The following IPP variants were observed in gnomAD, a reference collection of about 807,000 sequenced individuals.
IPP encodes the protein actin-binding protein IPP.
A neutral mutation model predicts 64.1 loss-of-function variants in IPP; 41 were observed. The ratio of observed to expected loss-of-function variants is 0.64; its 90% CI spans 0.50 to 0.83. The LOEUF (loss-of-function observed/expected upper bound fraction) is 0.83, where lower values mean the gene tolerates loss of function less well. Among genes scored for constraint, IPP ranks in the 40% least tolerant of loss-of-function variants. IPP has a pLI of 0.00. For synonymous variants in IPP, 214 were observed against 235.2 expected (o/e 0.91, Z 0.83); for missense variants, 649 against 703.0 (o/e 0.92, Z 0.87).
chr1:45,710,269 A>T (rs1645572682), intron 8 of IPP, among the ~76,000 whole-genome samples: 1 of 116,634 alleles, frequency 8.6e-6, no homozygotes, highest in Non-Finnish European at 1.8e-5. Flanking sequence ...CTAAGAAAAC[A>T]TGATGTGAGA....
chr1:45,724,762 G>A (rs1318107968), intron 5 of IPP, among the ~76,000 whole-genome samples: 1 of 151,548 alleles, frequency 6.6e-6, no homozygotes, highest in Non-Finnish European at 1.5e-5. Flanking sequence ...CGTCTAAGAA[G>A]TGAGGAGCCC....
At position 45,729,795 on chromosome 1, in the gene IPP, G is replaced by C. The variant is rs763600507; in HGVS notation, c.725-26C>G. 3.6e-6 allele frequency: 5 copies of C among 1,370,788 alleles called. No homozygotes were observed. The East Asian group carries it at 1.2e-4, about 34-fold the overall frequency. The allele number at this position is 1,370,788 out of a possible 1,614,324, so 84.9% of individuals were successfully genotyped here. A position where few individuals can be genotyped will look rare whatever the true frequency, so the allele number is the denominator to read the frequency against. ...CTAAAACAATATTTAAAAAGACAAT[G>C]TTTTAAACAATTTTTAAATAATATT... is the stretch of plus-strand genomic sequence containing the variant. On this transcript the variant is annotated intron_variant, in intron 3 of 8. Coordinates refer to ENST00000396478, the MANE Select transcript of IPP (RefSeq NM_005897.3).
In IPP at chr1:45,698,711, T is replaced by TTTTTTA; in HGVS notation, c.*1254_*1255insTAAAAA. ...CAATCTAGCAAAAAAGGAAGAATTT[T>TTTTTTA]TTTTTCTTTTTTTTTTTTTTTTTTT... is the stretch of plus-strand genomic sequence containing the variant. On this transcript the variant is annotated 3_prime_UTR_variant, in exon 9 of 9. Transcript: ENST00000396478. 1.3e-6 allele frequency: 1 copy of TTTTTTA among 748,884 alleles called. No individual in the cohort carries two copies. 46.4% of individuals were successfully genotyped at this position (748,884 alleles called of 1,614,324 possible). A position where few individuals can be genotyped will look rare whatever the true frequency, so the allele number is the denominator to read the frequency against.
At chr1:45,710,620 TA>T (rs752831333) in intron 8 of IPP, among the ~76,000 whole-genome samples, 31 of 6,292 alleles carry the variant, frequency 4.9e-3, no homozygotes, top group East Asian at 0.017. Flanking sequence ...AGACTCTGTC[TA>T]AAAAAAAAAA....
At chr1:45,738,603 G>T (rs1040543446) in intron 3 of IPP, among the ~76,000 whole-genome samples, 1 of 151,992 alleles carries the variant, frequency 6.6e-6, no homozygotes, top group Non-Finnish European at 1.5e-5. Context: ...CACTTTGGGA[G>T]GCCGAAGCGG....
chr1:45,710,421 G>A (rs1398426444), intron 8 of IPP, among the ~76,000 whole-genome samples: 1 of 94,256 alleles, frequency 1.1e-5, no homozygotes, highest in Admixed American at 1.1e-4. Flanking sequence ...GGCAGATCAC[G>A]AGGTCAGGAG....
At chr1:45,726,095 A>T (rs1557751050) in intron 5 of IPP, among the ~76,000 whole-genome samples, 1 of 150,042 alleles carries the variant, frequency 6.7e-6, no homozygotes, top group Non-Finnish European at 1.5e-5. Context: ...TAAAAAAAAT[A>T]AATAAATAAA....
Position 45,727,107 on chromosome 1 carries a change from T to C in IPP, c.1048+524A>G, listed in dbSNP as rs149932123. 1.4e-3 allele frequency among the ~76,000 whole-genome samples: 212 copies of C among 152,252 alleles called. 1 individual carries two copies. Among genetic ancestry groups the C allele is most frequent in the Non-Finnish European group, 2.0e-3 (137 of 68,018 alleles). On this transcript the variant is annotated intron_variant, in intron 5 of 8. Transcript: ENST00000396478. ...CTCTGTCACCCAGGCTGGAGTACAG[T>C]GGCACGATCATGGCTCACTGCAACC...
chr1:45,724,508 G>T (rs1347807640), intron 5 of IPP, among the ~76,000 whole-genome samples: 2 of 150,590 alleles, frequency 1.3e-5, no homozygotes, highest in Non-Finnish European at 3.0e-5. Flanking sequence ...GTCTCTGCCC[G>T]GCCGCCATCC....
intron 8 of IPP, among the ~76,000 whole-genome samples, chr1:45,705,489 A>G (rs1270189107): frequency 6.6e-6 from 1 of 152,220 alleles, no homozygotes; most frequent in Admixed American, 6.6e-5. Flanking sequence ...CTAGAAAACT[A>G]GATAAAACAT....
chr1:45,749,512 GTTTTTGTTTTTTGT>G (rs1432170534), intron 1 of IPP, among the ~76,000 whole-genome samples: 13 of 134,098 alleles, frequency 9.7e-5, no homozygotes, highest in Admixed American at 9.4e-4. Context: ...TTTTTGTTTT[GTTTTTGTTTTTTGT>G]TTTTTTTTTT....
chr1:45,736,911 C>T lies in IPP; in HGVS notation c.724+3990G>A, dbSNP rs771398607. On this transcript the variant is annotated intron_variant, in intron 3 of 8. Transcript: ENST00000396478. ...AAAAAAAATTAGCCGGGCGTGGTGG[C>T]GGGCGCCCGTAGTCCCAGCTACACG... 5.3e-5 allele frequency among the ~76,000 whole-genome samples: 8 copies of T among 151,836 alleles called. No individual in the cohort carries two copies. The South Asian group carries it at 1.3e-3, about 24-fold the overall frequency.
intron 5 of IPP, among the ~76,000 whole-genome samples, chr1:45,726,333 C>T (rs1645827472): frequency 6.6e-6 from 1 of 151,972 alleles, no homozygotes; most frequent in Non-Finnish European, 1.5e-5. Context: ...TGGTACATGC[C>T]TGTAATCCCA....
chr1:45,749,204 G>A (rs1004993794), intron 1 of IPP, among the ~76,000 whole-genome samples: 1 of 152,186 alleles, frequency 6.6e-6, no homozygotes. Context: ...CCTGCTACAA[G>A]AAAGAGTTGA....
chr1:45,748,700 G>A (rs1347241704), intron 1 of IPP, among the ~76,000 whole-genome samples: 2 of 151,838 alleles, frequency 1.3e-5, no homozygotes, highest in African/African-American at 2.4e-5. Flanking sequence ...AAGCAGGTGC[G>A]GTGACTCACG....
At chr1:45,726,918 G>T (rs1645836260) in intron 5 of IPP, among the ~76,000 whole-genome samples, 1 of 151,894 alleles carries the variant, frequency 6.6e-6, no homozygotes, top group Non-Finnish European at 1.5e-5. Flanking sequence ...TAGAGACAAG[G>T]TTTCACCATG....
At position 45,700,294 on chromosome 1, in the gene IPP, G is replaced by A. The variant is rs894806882; in HGVS notation, c.1531-104C>T. On this transcript the variant is annotated intron_variant, in intron 8 of 8. Transcript: ENST00000396478. ...CCCAGTTCTTTTTACATGTTTAAAT[G>A]TAAAACTATCTAGTCAGGTAAGCAT... 10 of 1,421,940 alleles carry A rather than the reference G, an allele frequency of 7.0e-6. No individual in the cohort carries two copies. In the African/African-American group the frequency reaches 1.4e-4, roughly 20 times the overall value. The allele number at this position is 1,421,940 out of a possible 1,614,324, so 88.1% of individuals were successfully genotyped here. A position where few individuals can be genotyped will look rare whatever the true frequency, so the allele number is the denominator to read the frequency against.
At chr1:45,728,096 C>A (rs542859888) in intron 4 of IPP, among the ~76,000 whole-genome samples, 2 of 149,456 alleles carry the variant, frequency 1.3e-5, no homozygotes, top group South Asian at 4.2e-4. Flanking sequence ...TCATTAATGT[C>A]TTTTTCAATT....
intron 3 of IPP, among the ~76,000 whole-genome samples, chr1:45,740,272 T>A (rs1159022500): frequency 6.6e-6 from 1 of 152,210 alleles, no homozygotes; most frequent in Admixed American, 6.5e-5. Flanking sequence ...TTTCCCCACC[T>A]TTCCCCCTTT....
Sources: gnomAD v4.1 joint callset for allele counts (sites outside exome capture counted in the v4.1 genomes callset) on GRCh38, gnomAD v4.1.1 for gene constraint, MANE v1.5 for transcripts, NCBI Gene and HGNC (gene_info 2026-07-23, HGNC 2026-07-21) for gene names.